The following CABCOCO1 variants were observed in gnomAD, a reference collection of about 807,000 sequenced individuals.
The protein encoded by CABCOCO1 is ciliary associated calcium binding coiled-coil 1.
CABCOCO1 carries 28 observed loss-of-function variants against 35.7 expected under a neutral mutation model. The observed-to-expected ratio is 0.78, with a 90% CI of 0.58 to 1.07. The LOEUF (loss-of-function observed/expected upper bound fraction) is 1.07. Among genes scored for constraint, CABCOCO1 ranks in the 50% least tolerant of loss-of-function variants. CABCOCO1 has a pLI of 0.00. For missense variants in CABCOCO1, 326 were observed against 309.2 expected (o/e 1.05, Z -0.41); for synonymous variants, 95 against 100.1 (o/e 0.95, Z 0.30).
intron 5 of CABCOCO1, among the ~76,000 whole-genome samples, chr10:61,747,309 G>A (rs189324613): frequency 1.3e-5 from 2 of 152,266 alleles, no homozygotes; most frequent in Non-Finnish European, 2.9e-5. Context: ...TTGTTGAGCA[G>A]AATGAGAATA....
intron 5 of CABCOCO1, among the ~76,000 whole-genome samples, chr10:61,721,586 C>A (rs1330782658): frequency 6.6e-6 from 1 of 152,066 alleles, no homozygotes; most frequent in African/African-American, 2.4e-5. Context: ...GAAGAGGAGC[C>A]ACAAAAGAGG....
intron 5 of CABCOCO1, among the ~76,000 whole-genome samples, chr10:61,733,017 G>C (rs955272690): frequency 6.6e-6 from 1 of 151,944 alleles, no homozygotes; most frequent in African/African-American, 2.4e-5. Context: ...TTTGGATTCT[G>C]TTTCTACATT....
chr10:61,676,714 T>C (rs1443546239), intron 2 of CABCOCO1, among the ~76,000 whole-genome samples: 1 of 152,114 alleles, frequency 6.6e-6, no homozygotes, highest in Admixed American at 6.5e-5. Context: ...AAGTAACCTA[T>C]AGAGGACATT....
At chr10:61,725,447 A>G (rs560532891) in intron 5 of CABCOCO1, among the ~76,000 whole-genome samples, 29 of 152,354 alleles carry the variant, frequency 1.9e-4, no homozygotes, top group African/African-American at 7.0e-4. Flanking sequence ...GGATGAGTTC[A>G]TTTCCTTTTC....
intron 5 of CABCOCO1, among the ~76,000 whole-genome samples, chr10:61,744,016 A>G (rs1396615245): frequency 6.6e-6 from 1 of 152,172 alleles, no homozygotes; most frequent in Non-Finnish European, 1.5e-5. Context: ...CAAAAGTCAG[A>G]GCCTTTGTGT....
intron 5 of CABCOCO1, among the ~76,000 whole-genome samples, chr10:61,733,966 A>C (rs10821916): frequency 0.17 from 25,140 of 152,098 alleles, 2,601 homozygotes; most frequent in East Asian, 0.55. Context: ...AAATAACAAC[A>C]AAAGTTTAGA....
chr10:61,740,505 T>C (rs918722931), intron 5 of CABCOCO1, among the ~76,000 whole-genome samples: 1 of 152,206 alleles, frequency 6.6e-6, no homozygotes, highest in Admixed American at 6.5e-5. Context: ...TTTTAAGAAC[T>C]CTAAAATATA....
chr10:61,737,263 C>A (rs1485057686), intron 5 of CABCOCO1, among the ~76,000 whole-genome samples: 1 of 152,072 alleles, frequency 6.6e-6, no homozygotes, highest in African/African-American at 2.4e-5. Flanking sequence ...GCGTCTCACA[C>A]CAGTCAGAAT....
chr10:61,675,334 A>G lies in CABCOCO1; in HGVS notation c.164+2599A>G, dbSNP rs1839481210. On this transcript the variant is annotated intron_variant, in intron 2 of 7. Coordinates refer to ENST00000648843, the MANE Select transcript of CABCOCO1 (RefSeq NM_001366906.2). ...TATCTTCCTTCAGATGCCTCCCTAC[A>G]TAATCTCCTTTGGAGTACAATGACC... Among the ~76,000 whole-genome samples, 3 of 152,194 alleles carry G rather than the reference A, an allele frequency of 2.0e-5. No individual in the cohort carries two copies. In the South Asian group the frequency reaches 6.2e-4, roughly 32 times the overall value.
intron 1 of CABCOCO1, among the ~76,000 whole-genome samples, chr10:61,666,680 TTTAGC>T (rs1182296906): frequency 2.6e-5 from 4 of 152,000 alleles, no homozygotes; most frequent in African/African-American, 9.7e-5. Flanking sequence ...TAGTTTGGTC[TTTAGC>T]AAGTCTAGAA....
intron 3 of CABCOCO1, among the ~76,000 whole-genome samples, chr10:61,681,907 G>A (rs577745374): frequency 6.6e-6 from 1 of 152,242 alleles, no homozygotes; most frequent in East Asian, 1.9e-4. Context: ...ATGGTAGTAA[G>A]AACTGGGCAT....
intron 5 of CABCOCO1, among the ~76,000 whole-genome samples, chr10:61,758,910 T>C (rs1841951565): frequency 6.6e-6 from 1 of 152,102 alleles, no homozygotes; most frequent in Non-Finnish European, 1.5e-5. Context: ...TCAAAACTTA[T>C]CTAAATCAAA....
chr10:61,760,761 A>C, intron 6 of CABCOCO1, 102 bp from the exon 7 acceptor site: 1 of 1,297,658 alleles, frequency 7.7e-7, no homozygotes, highest in Non-Finnish European at 1.0e-6. Flanking sequence ...CCTGGAACTT[A>C]AAGTAAAATA....
At chr10:61,671,020 T>G (rs1362909909) in intron 1 of CABCOCO1, among the ~76,000 whole-genome samples, 1 of 152,226 alleles carries the variant, frequency 6.6e-6, no homozygotes, top group African/African-American at 2.4e-5. Context: ...TCCAACACTC[T>G]ATTTCTATCA....
At chr10:61,736,565 T>C (rs1372037752) in intron 5 of CABCOCO1, among the ~76,000 whole-genome samples, 2 of 152,064 alleles carry the variant, frequency 1.3e-5, no homozygotes, top group Non-Finnish European at 2.9e-5. Flanking sequence ...AGTTTCAAGT[T>C]GGGTAACATG....
intron 5 of CABCOCO1, among the ~76,000 whole-genome samples, chr10:61,755,525 T>C (rs569529431): frequency 1.3e-5 from 2 of 152,186 alleles, no homozygotes; most frequent in Non-Finnish European, 2.9e-5. Context: ...TCCAAACAAA[T>C]GTCTTTACAA....
intron 5 of CABCOCO1, among the ~76,000 whole-genome samples, chr10:61,736,925 T>A (rs1456068747): frequency 6.6e-6 from 1 of 152,108 alleles, no homozygotes; most frequent in East Asian, 1.9e-4. Context: ...GGATCGCCTT[T>A]CTGATTTGGC....
intron 3 of CABCOCO1, among the ~76,000 whole-genome samples, chr10:61,684,719 CCT>C (rs1359392892): frequency 1.3e-5 from 2 of 152,254 alleles, no homozygotes; most frequent in Non-Finnish European, 2.9e-5. Flanking sequence ...CCTCCAGTAT[CCT>C]CTGTCTTATG....
intron 5 of CABCOCO1, among the ~76,000 whole-genome samples, chr10:61,712,653 CT>C (rs1172404806): frequency 6.6e-6 from 1 of 152,168 alleles, no homozygotes; most frequent in Non-Finnish European, 1.5e-5. Context: ...ACATTTAAGT[CT>C]TTAATCCATC....
Sources: allele counts gnomAD v4.1 joint callset (sites outside exome capture counted in the v4.1 genomes callset), GRCh38; gene constraint gnomAD v4.1.1; transcripts MANE v1.5; gene names NCBI Gene and HGNC (gene_info 2026-07-23, HGNC 2026-07-21).